CMKLR2: variants seen among roughly 807,000 people sequenced by gnomAD.
The protein encoded by CMKLR2 is chemerin-like receptor 2.
CMKLR2 carries 18 observed loss-of-function variants against 23.0 expected under a neutral mutation model. The observed-to-expected ratio is 0.78, with a 90% CI of 0.54 to 1.16. CMKLR2 has a LOEUF of 1.16. CMKLR2 is among the 50% of genes most tolerant of loss of function. The pLI is 0.00. For missense variants in CMKLR2, 401 were observed against 412.7 expected, an observed-to-expected ratio of 0.97 and a Z score of 0.25; for synonymous variants, 158 against 158.9, an observed-to-expected ratio of 0.99 and a Z score of 0.05.
chr2:206,202,255 T>A (rs1283558489), intron 1 of CMKLR2, among the ~76,000 whole-genome samples: 1 of 152,182 alleles, frequency 6.6e-6, no homozygotes, highest in Non-Finnish European at 1.5e-5. Flanking sequence ...TGATTGGACT[T>A]GTTGATGTCT....
Position 206,192,031 on chromosome 2 carries a change from G to A in CMKLR2, c.-28-14756C>T, listed in dbSNP as rs1284606089. On this transcript the variant is annotated intron_variant, in intron 1 of 1. Transcript: ENST00000621141. ...AATTTTTTGTATTTTTTTTAGTAGA[G>A]ATGGAGTTTCACTATGTTGGCCAGG... Among the ~76,000 whole-genome samples, 2 of 151,450 alleles carry A rather than the reference G, an allele frequency of 1.3e-5. 1 individual carries two copies. Among genetic ancestry groups the A allele is most frequent in the East Asian group, 3.9e-4 (2 of 5,176 alleles).
At chr2:206,178,450 A>G (rs1688299644) in intron 1 of CMKLR2, among the ~76,000 whole-genome samples, 1 of 152,216 alleles carries the variant, frequency 6.6e-6, no homozygotes, top group Admixed American at 6.5e-5. Flanking sequence ...AATCAGAATT[A>G]TATCAATATG....
chr2:206,216,271 T>C (rs1002282849), upstream of CMKLR2, among the ~76,000 whole-genome samples: 10 of 152,110 alleles, frequency 6.6e-5, no homozygotes, highest in African/African-American at 2.2e-4. Flanking sequence ...CTGACCAATA[T>C]GGTGAAACCC....
At chr2:206,211,182 G>T (rs6435335) in intron 1 of CMKLR2, among the ~76,000 whole-genome samples, 142,678 of 152,202 alleles carry the variant, frequency 0.94, 66,918 homozygotes, top group Admixed American at 0.95. Context: ...ACCCACCCAC[G>T]AGTGTTCCTC....
chr2:206,196,569 A>G (rs890156599), intron 1 of CMKLR2, among the ~76,000 whole-genome samples: 4 of 152,166 alleles, frequency 2.6e-5, no homozygotes, highest in Non-Finnish European at 5.9e-5. Flanking sequence ...GAAGCCCAGA[A>G]CGATGCATGG....
upstream of CMKLR2, among the ~76,000 whole-genome samples, chr2:206,215,906 G>C (rs970511898): frequency 1.3e-5 from 2 of 152,168 alleles, no homozygotes; most frequent in Non-Finnish European, 2.9e-5. Flanking sequence ...TGGCAGAGTT[G>C]GGGTTTGGCT....
intron 1 of CMKLR2, among the ~76,000 whole-genome samples, chr2:206,198,694 T>C (rs1207663846): frequency 1.3e-5 from 2 of 152,200 alleles, no homozygotes; most frequent in Non-Finnish European, 2.9e-5. Context: ...ACAAGAATAT[T>C]GTACCTCCCT....
upstream of CMKLR2, among the ~76,000 whole-genome samples, chr2:206,214,327 A>G (rs1170362850): frequency 6.6e-6 from 1 of 151,776 alleles, no homozygotes; most frequent in Non-Finnish European, 1.5e-5. Flanking sequence ...ATGCGCCACC[A>G]TGCCCAGCTA....
At chr2:206,178,907 C>T in intron 1 of CMKLR2, among the ~76,000 whole-genome samples, 1 of 151,926 alleles carries the variant, frequency 6.6e-6, no homozygotes, top group East Asian at 1.9e-4. Context: ...TCTCAGCCTC[C>T]CAAAGTGCTG....
chr2:206,217,123 T>C (rs1322996981), upstream of CMKLR2, among the ~76,000 whole-genome samples: 2 of 152,148 alleles, frequency 1.3e-5, no homozygotes, highest in African/African-American at 2.4e-5. Context: ...AACAAAAGCA[T>C]TGGAAGAGAG....
chr2:206,198,836 T>C lies in CMKLR2; in HGVS notation c.-29+14471A>G, dbSNP rs79829272. ...TCAGGTTTTGAGTGAAGCAGACTTA[T>C]GTAATCATCCTGCCTTTGGGGATTT... On this transcript the variant is annotated intron_variant, in intron 1 of 1. Transcript: ENST00000621141. Among the ~76,000 whole-genome samples the C allele has an allele frequency of 7.5e-3, 1,142 of 152,302 alleles. 21 individuals carry two copies. Among genetic ancestry groups the C allele is most frequent in the African/African-American group, 0.026 (1,087 of 41,566 alleles).
intron 1 of CMKLR2, among the ~76,000 whole-genome samples, chr2:206,184,300 CTT>C (rs752263495): frequency 1.9e-4 from 27 of 142,374 alleles, no homozygotes; most frequent in Admixed American, 2.9e-4. Context: ...CTCTCTCTCT[CTT>C]TTTTTTTTTT....
At chr2:206,201,004 T>G (rs983283440) in intron 1 of CMKLR2, among the ~76,000 whole-genome samples, 1 of 152,066 alleles carries the variant, frequency 6.6e-6, no homozygotes, top group Non-Finnish European at 1.5e-5. Flanking sequence ...CATGTTGGAG[T>G]GTAGGGGCAC....
In CMKLR2 at chr2:206,185,173, G is replaced by T. The variant is rs183634486; in HGVS notation, c.-28-7898C>A. The stretch of plus-strand genomic sequence containing the variant: ...AGCTAATTTTCATATTTTTAGTACA[G>T]ATGGGGTTTCACCATGTTGGCCAGG... On this transcript the variant is annotated intron_variant, in intron 1 of 1. Transcript: ENST00000621141. Among the ~76,000 whole-genome samples the T allele has an allele frequency of 3.9e-5, 6 of 152,238 alleles. No homozygotes were observed. The East Asian group carries it at 1.2e-3, about 29-fold the overall frequency.
At chr2:206,214,868 G>T (rs955246434), upstream of CMKLR2, among the ~76,000 whole-genome samples, 1 of 151,448 alleles carries the variant, frequency 6.6e-6, no homozygotes, top group Non-Finnish European at 1.5e-5. Flanking sequence ...CTCGTGATCC[G>T]CCCGCCTCGG....
At chr2:206,215,158 C>A (rs953287471), upstream of CMKLR2, among the ~76,000 whole-genome samples, 4 of 152,142 alleles carry the variant, frequency 2.6e-5, no homozygotes, top group Admixed American at 2.0e-4. Context: ...AATGTATAGG[C>A]TTCCACACCT....
chr2:206,186,098 T>G lies in CMKLR2; in HGVS notation c.-28-8823A>C, dbSNP rs77102797. Among the ~76,000 whole-genome samples the G allele has an allele frequency of 2.1e-5, 3 of 145,540 alleles. No homozygotes were observed. In the East Asian group the frequency reaches 6.3e-4, roughly 31 times the overall value. On this transcript the variant is annotated intron_variant, in intron 1 of 1. Transcript: ENST00000621141. ...GGGCTATTTTTTTCTCACAAAACCG[T>G]GTGGGTCTGTGGAATGGGCTTTTTT...
intron 1 of CMKLR2, among the ~76,000 whole-genome samples, chr2:206,200,150 G>C (rs1305522511): frequency 6.6e-6 from 1 of 152,140 alleles, no homozygotes; most frequent in Non-Finnish European, 1.5e-5. Flanking sequence ...TCGGCCGGAC[G>C]CAGTGGCTCA....
upstream of CMKLR2, chr2:206,213,827 T>C (rs1280842518): frequency 6.6e-6 from 1 of 152,264 alleles, no homozygotes; most frequent in Non-Finnish European, 1.5e-5. Flanking sequence ...CACATATTGG[T>C]TAAGTGTGAA....
Sources: gnomAD v4.1 joint callset for allele counts (sites outside exome capture counted in the v4.1 genomes callset) on GRCh38, gnomAD v4.1.1 for gene constraint, MANE v1.5 for transcripts, NCBI Gene and HGNC (gene_info 2026-07-23, HGNC 2026-07-21) for gene names.